Variants in FAM98B observed in about 807,000 individuals in gnomAD.
FAM98B encodes the protein tRNA-splicing ligase complex subunit FAM98B.
In FAM98B, 32 loss-of-function variants were observed where a neutral mutation model predicts 43.9. That is an observed-to-expected ratio of 0.73 (90% CI 0.55 to 0.98). The LOEUF (loss-of-function observed/expected upper bound fraction) is 0.98, where lower values mean the gene tolerates loss of function less well. Ranked by LOEUF, FAM98B falls within the 50% of genes least tolerant of loss-of-function variation. The pLI is 0.00. For missense variants in FAM98B, 514 were observed against 522.9 expected (o/e 0.98, Z 0.17); for synonymous variants, 190 against 174.0 (o/e 1.09, Z -0.72).
intron 5 of FAM98B, 72 bp downstream of exon 5, chr15:38,473,657 A>T: frequency 1.6e-6 from 2 of 1,245,118 alleles, no homozygotes; most frequent in Non-Finnish European, 1.1e-6. Context: ...ATAAATGAAC[A>T]TCTATTTTGC....
intron 6 of FAM98B, among the ~76,000 whole-genome samples, chr15:38,479,273 A>G (rs771221996): frequency 2.6e-5 from 4 of 152,184 alleles, no homozygotes; most frequent in African/African-American, 9.7e-5. Context: ...TGGCCAAAAT[A>G]TACCATTTTA....
intron 1 of FAM98B, among the ~76,000 whole-genome samples, chr15:38,455,820 T>C (rs1460172844): frequency 6.6e-6 from 1 of 152,238 alleles, no homozygotes; most frequent in African/African-American, 2.4e-5. Context: ...TTCATTGCTA[T>C]AATCTTGATT....
At position 38,484,726 on chromosome 15, in the gene FAM98B, A is replaced by ATAT; in HGVS notation, c.*67_*68insTAT. ...TACATTAGAAATAGTGTTCCAAATA[A>ATAT]CATACTTGAATATCATCTTTGAAGT... On this transcript the variant is annotated 3_prime_UTR_variant, in exon 8 of 8. Transcript: ENST00000397609. The ATAT allele has an allele frequency of 6.8e-7, 1 of 1,477,998 alleles. No homozygotes were observed. Among genetic ancestry groups the ATAT allele is most frequent in the Non-Finnish European group, 8.9e-7 (1 of 1,124,892 alleles). The allele number at this position is 1,477,998 out of a possible 1,614,324, so 91.6% of individuals were successfully genotyped here. A position where few individuals can be genotyped will look rare whatever the true frequency, so the allele number is the denominator to read the frequency against.
rs149966258 is a variant in FAM98B at position 38,468,452 on chromosome 15, G to A, written c.353-1775G>A. 1.1e-3 allele frequency among the ~76,000 whole-genome samples: 161 copies of A among 152,162 alleles called. 3 individuals are homozygous for A. Among genetic ancestry groups the A allele is most frequent in the Non-Finnish European group, 1.4e-3 (95 of 67,992 alleles). The stretch of plus-strand genomic sequence containing the variant: ...TGCCCAGGTAGGTCTTAAACTCCTG[G>A]GCCCAAGCTGTCCTCCTACCTTAGC... On this transcript the variant is annotated intron_variant, in intron 3 of 7. Coordinates refer to ENST00000397609, the MANE Select transcript of FAM98B (RefSeq NM_173611.4).
At chr15:38,465,200 G>C (rs574192558) in intron 2 of FAM98B, 69 bp from the exon 3 acceptor site, 31 of 1,440,332 alleles carry the variant, frequency 2.2e-5, no homozygotes, top group African/African-American at 5.8e-5. Context: ...AAATAAACGA[G>C]TAGATTTTAT....
intron 1 of FAM98B, chr15:38,458,790 C>T (rs76539576): frequency 2.3e-5 from 10 of 439,252 alleles, no homozygotes; most frequent in Admixed American, 4.8e-5. Context: ...TATAGATGTC[C>T]TCTGCTCTGC....
At chr15:38,479,021 A>G (rs1890246273) in intron 6 of FAM98B, among the ~76,000 whole-genome samples, 1 of 151,682 alleles carries the variant, frequency 6.6e-6, no homozygotes, top group Non-Finnish European at 1.5e-5. Flanking sequence ...GTGCAGTGCC[A>G]TCATCATAGC....
intron 3 of FAM98B, 110 bp downstream of exon 3, chr15:38,465,513 A>G (rs1890016398): frequency 9.9e-7 from 1 of 1,014,310 alleles, no homozygotes. Context: ...AAGGGTTTTA[A>G]TATTTTACTT....
chr15:38,461,392 C>T lies in FAM98B; in HGVS notation c.72-2640C>T, dbSNP rs570117596. 2.6e-5 allele frequency among the ~76,000 whole-genome samples: 4 copies of T among 152,152 alleles called. No individual in the cohort carries two copies. In the South Asian group the frequency reaches 8.3e-4, roughly 32 times the overall value. ...CTGGACCAGATTATTTCCTTAGTTTCCTTATAGTTGTAGACAGAGGTCTAA... is the reference window on the plus strand; with the variant it reads ...CTGGACCAGATTATTTCCTTAGTTTTCTTATAGTTGTAGACAGAGGTCTAA... On this transcript the variant is annotated intron_variant, in intron 1 of 7. Transcript: ENST00000397609.
intron 1 of FAM98B, among the ~76,000 whole-genome samples, chr15:38,456,992 A>C (rs963215588): frequency 6.6e-6 from 1 of 152,182 alleles, no homozygotes; most frequent in Admixed American, 6.5e-5. Flanking sequence ...AATAATTTTA[A>C]ATAAAAAGGG....
At position 38,484,776 on chromosome 15, in the gene FAM98B, G is replaced by A. The variant is rs1198691177; in HGVS notation, c.*117G>A. On this transcript the variant is annotated 3_prime_UTR_variant, in exon 8 of 8. Coordinates refer to ENST00000397609, the MANE Select transcript of FAM98B (RefSeq NM_173611.4). ...TAAACACCATGTTAGACTCCCTGGT[G>A]ATACCACTCTTGAATTGGTTAATAT... is the stretch of plus-strand genomic sequence containing the variant. 3.5e-6 allele frequency: 5 copies of A among 1,414,826 alleles called. No homozygotes were observed. The highest frequency in any genetic ancestry group is 4.6e-6 in the Non-Finnish European group (5 of 1,086,048). The allele number at this position is 1,414,826 out of a possible 1,614,324, so 87.6% of individuals were successfully genotyped here.
At chr15:38,459,269 C>A in intron 1 of FAM98B, 1 of 489,512 alleles carries the variant, frequency 2.0e-6, no homozygotes. Context: ...TCCTCTGTCA[C>A]CTTGGGGCAG....
chr15:38,456,593 A>G (rs929087581), intron 1 of FAM98B, among the ~76,000 whole-genome samples: 4 of 152,220 alleles, frequency 2.6e-5, no homozygotes, highest in Admixed American at 2.0e-4. Flanking sequence ...ACAATTATAA[A>G]CTATAATAAA....
At chr15:38,476,124 A>C (rs905984574) in intron 6 of FAM98B, among the ~76,000 whole-genome samples, 1 of 152,190 alleles carries the variant, frequency 6.6e-6, no homozygotes, top group African/African-American at 2.4e-5. Context: ...TTGCATTTTG[A>C]AAATGTTTAG....
Position 38,487,513 on chromosome 15 carries a change from A to G in FAM98B, c.*2854A>G, listed in dbSNP as rs997767452. 1 of 152,080 alleles carries G rather than the reference A, an allele frequency of 6.6e-6. No individual in the cohort carries two copies. The highest frequency in any genetic ancestry group is 1.5e-5 in the Non-Finnish European group (1 of 67,938). 9.4% of individuals were successfully genotyped at this position (152,080 alleles called of 1,614,324 possible). A position where few individuals can be genotyped will look rare whatever the true frequency, so the allele number is the denominator to read the frequency against. On this transcript the variant is annotated 3_prime_UTR_variant, in exon 8 of 8. Coordinates refer to ENST00000397609, the MANE Select transcript of FAM98B (RefSeq NM_173611.4). Reference sequence around the variant, plus strand: ...GTATGAAGTATTATGAATTGCCCAAATGATAAATACACCCCCATCTAAATG... The same window carrying G: ...GTATGAAGTATTATGAATTGCCCAAGTGATAAATACACCCCCATCTAAATG...
chr15:38,475,703 A>G (rs146897643), intron 6 of FAM98B, among the ~76,000 whole-genome samples: 106 of 152,284 alleles, frequency 7.0e-4, no homozygotes, highest in African/African-American at 2.5e-3. Flanking sequence ...TAACCTCTCC[A>G]TCTCAAGATG....
intron 1 of FAM98B, chr15:38,458,905 C>A: frequency 2.3e-6 from 1 of 438,872 alleles, no homozygotes; most frequent in Non-Finnish European, 4.5e-6. Flanking sequence ...AAGAAGCAGA[C>A]AAGTTGTCCA....
intron 1 of FAM98B, among the ~76,000 whole-genome samples, chr15:38,460,929 A>G (rs996520412): frequency 2.6e-5 from 4 of 152,238 alleles, no homozygotes; most frequent in Non-Finnish European, 4.4e-5. Context: ...CACTGACCCA[A>G]CATACAGTTA....
At chr15:38,480,056 G>T in intron 6 of FAM98B, among the ~76,000 whole-genome samples, 1 of 151,314 alleles carries the variant, frequency 6.6e-6, no homozygotes, top group Non-Finnish European at 1.5e-5. Context: ...TTGTGTTTGA[G>T]GTTTTTATAT....
Sources: gnomAD v4.1 joint callset for allele counts (sites outside exome capture counted in the v4.1 genomes callset) on GRCh38, gnomAD v4.1.1 for gene constraint, MANE v1.5 for transcripts, NCBI Gene and HGNC (gene_info 2026-07-23, HGNC 2026-07-21) for gene names.